The following GTPBP3 variants were observed in gnomAD, a reference collection of about 807,000 sequenced individuals.
GTPBP3 encodes GTP binding protein 3, mitochondrial.
In GTPBP3, 35 loss-of-function variants were observed where a neutral mutation model predicts 42.0. The observed-to-expected ratio is 0.83, with a 90% CI of 0.64 to 1.10. The LOEUF (loss-of-function observed/expected upper bound fraction) is 1.10. Ranked by LOEUF, GTPBP3 falls within the 50% of genes least tolerant of loss-of-function variation. The pLI is 0.00. For missense variants in GTPBP3, 691 were observed against 685.2 expected, an observed-to-expected ratio of 1.01 and a Z score of -0.09; for synonymous variants, 332 against 314.9, an observed-to-expected ratio of 1.05 and a Z score of -0.58.
In GTPBP3 at chr19:17,341,792, T is replaced by G; in HGVS notation, c.*89T>G. 1 of 1,148,764 alleles carries G rather than the reference T, an allele frequency of 8.7e-7. No individual in the cohort carries two copies. The highest frequency in any genetic ancestry group is 3.1e-4 in the Middle Eastern group (1 of 3,278). 71.2% of individuals were successfully genotyped at this position (1,148,764 alleles called of 1,614,324 possible). A position where few individuals can be genotyped will look rare whatever the true frequency, so the allele number is the denominator to read the frequency against. On this transcript the variant is annotated 3_prime_UTR_variant, in exon 9 of 9. Coordinates refer to ENST00000324894, the MANE Select transcript of GTPBP3 (RefSeq NM_032620.4). Reference sequence around the variant, plus strand: ...CAGTTTAGGCCAATTGGGATTCTCATTCGCCTGGGAAAGAACTTGATTCTC... The same window carrying G: ...CAGTTTAGGCCAATTGGGATTCTCAGTCGCCTGGGAAAGAACTTGATTCTC...
rs1355384462 is a variant in GTPBP3 at position 17,341,204 on chromosome 19, C to G, written c.1135C>G (p.Leu379Val). The change falls in exon 8 of 9, where the codon CTG becomes GTG. Residue 379 changes from leucine (L) to valine (V), a missense_variant. Coordinates refer to ENST00000324894, the MANE Select transcript of GTPBP3 (RefSeq NM_032620.4). ...LLLVLNKSDL[L>V]SPEGPGPGPD... is the part of the protein sequence containing the mutation. The stretch of plus-strand genomic sequence containing the variant: ...CCTGGTGCTGAACAAGTCGGACCTG[C>G]TGTCCCCGGAGGGCCCAGGTCCCGG... The G allele has an allele frequency of 6.2e-7, 1 of 1,610,498 alleles. No individual in the cohort carries two copies. Among genetic ancestry groups the G allele is most frequent in the Admixed American group, 1.7e-5 (1 of 59,998 alleles).
chr19:17,340,463 C>CT (rs1568367697), intron 7 of GTPBP3, among the ~76,000 whole-genome samples: 1 of 151,510 alleles, frequency 6.6e-6, no homozygotes, highest in Non-Finnish European at 1.5e-5. Context: ...GCACTCCGCT[C>CT]TGCCCCTTGC....
Position 17,338,490 on chromosome 19 carries a change from A to G in GTPBP3, c.388+39A>G, listed in dbSNP as rs372521902. Reference sequence around the variant, plus strand: ...TTGGGTGAGATGCTTGGTCCTCCCAATGGGCCTGGGTGGGGACCAGGGGGT... The same window carrying G: ...TTGGGTGAGATGCTTGGTCCTCCCAGTGGGCCTGGGTGGGGACCAGGGGGT... On this transcript the variant is annotated intron_variant, in intron 3 of 8. Coordinates refer to ENST00000324894, the MANE Select transcript of GTPBP3 (RefSeq NM_032620.4). 4.3e-5 allele frequency: 69 copies of G among 1,613,170 alleles called. No individual in the cohort carries two copies. In the African/African-American group the frequency reaches 6.3e-4, roughly 15 times the overall value.
chr19:17,337,392 T>A (rs2074377111), upstream of GTPBP3: 1 of 950,246 alleles, frequency 1.1e-6, no homozygotes, highest in Admixed American at 4.3e-5. Context: ...AACATTTCGC[T>A]ACACCTACCT....
chr19:17,337,428 C>T (rs919295817), upstream of GTPBP3: 3 of 1,202,746 alleles, frequency 2.5e-6, no homozygotes, highest in Admixed American at 4.2e-5. Flanking sequence ...CTCCCGCTCT[C>T]CCTTGCACCA....
In GTPBP3 at chr19:17,339,045, G is replaced by A. The variant is rs2145701950; in HGVS notation, c.664+19G>A. 1 of 1,614,174 alleles carries A rather than the reference G, an allele frequency of 6.2e-7. No homozygotes were observed. ...GAGCAAGGTGGGTCTACCTGGTGGT[G>A]GGGGAGGAAGACACCTCATATCAGC... On this transcript the variant is annotated intron_variant, in intron 5 of 8. Transcript: ENST00000324894.
chr19:17,337,510 G>A (rs902902409), upstream of GTPBP3: 1 of 1,276,034 alleles, frequency 7.8e-7, no homozygotes, highest in African/African-American at 1.5e-5. Flanking sequence ...GTCGAGAATA[G>A]TTGAGCACTT....
chr19:17,339,300 T>C (rs2074403915), intron 6 of GTPBP3, 34 bp downstream of exon 6: 9 of 1,582,612 alleles, frequency 5.7e-6, no homozygotes, highest in Non-Finnish European at 7.7e-6. Flanking sequence ...CGGGGCCTAG[T>C]GCCAGGGGCG....
rs1229681876 is a variant in GTPBP3, at chr19:17,339,483, C to T, written c.858C>T (p.Asp286=). The change falls in exon 7 of 9, where the codon GAC becomes GAT. Residue 286 remains aspartate (D), a synonymous_variant. Coordinates refer to ENST00000324894, the MANE Select transcript of GTPBP3 (RefSeq NM_032620.4). ...IVSPEPGTTR[D]VLETPVDLAG... ...CCCCGGAGCCAGGGACCACCCGTGA[C>T]GTGCTGGAGACCCCAGTCGACCTGG... 2 of 1,613,868 alleles carry T rather than the reference C, an allele frequency of 1.2e-6. No homozygotes were observed. Among genetic ancestry groups the T allele is most frequent in the Non-Finnish European group, 8.5e-7 (1 of 1,179,990 alleles).
rs1329024953 is a variant in GTPBP3, at chr19:17,341,564, A to G, written c.1340A>G (p.His447Arg). 7 of 1,613,878 alleles carry G rather than the reference A, an allele frequency of 4.3e-6. No homozygotes were observed. The highest frequency in any genetic ancestry group is 5.1e-6 in the Non-Finnish European group (6 of 1,179,994). The change falls in exon 9 of 9, where the codon CAC (histidine) becomes CGC (arginine). Residue 447 changes from histidine (H) to arginine (R), a missense_variant. Coordinates refer to ENST00000324894, the MANE Select transcript of GTPBP3 (RefSeq NM_032620.4). Reference protein sequence around the residue: ...HLQGCLDALGHYKQSKDLALA... With the variant: ...HLQGCLDALGRYKQSKDLALA... ...CAGGGTTGCCTGGATGCCCTCGGCC[A>G]CTACAAGCAGTCAAAAGACCTGGCC...
Position 17,341,894 on chromosome 19 carries a change from G to A in GTPBP3, c.*191G>A. On this transcript the variant is annotated 3_prime_UTR_variant, in exon 9 of 9. Coordinates refer to ENST00000324894, the MANE Select transcript of GTPBP3 (RefSeq NM_032620.4). ...CTGGAGATTCAGGCCCTGGAATGGG[G>A]CTGAATGGAGGTCCCGTTCGACCCT... 2.0e-6 allele frequency: 1 copy of A among 503,466 alleles called. No homozygotes were observed. Among genetic ancestry groups the A allele is most frequent in the South Asian group, 4.3e-5 (1 of 23,244 alleles). 31.2% of individuals were successfully genotyped at this position (503,466 alleles called of 1,614,324 possible).
chr19:17,340,696 C>T (rs1165640071), intron 7 of GTPBP3, among the ~76,000 whole-genome samples: 1 of 150,936 alleles, frequency 6.6e-6, no homozygotes, highest in Non-Finnish European at 1.5e-5. Context: ...TGCTCTGCCC[C>T]TCTTGCTCTG....
Position 17,338,556 on chromosome 19 carries a change from C to T in GTPBP3, c.406C>T (p.Arg136Ter). ...TCCTGCAGGCAGCGTGCCAGGGCTT[C>T]GACCGGCGGAGGCAGGCGAGTTCAC... ...LQALGSVPGL[R>*]PAEAGEFTRR... is the part of the protein sequence containing the mutation. The change falls in exon 4 of 9, where the codon CGA becomes TGA. Residue 136 changes from arginine (R) to a stop codon, truncating the protein, a stop_gained. Transcript: ENST00000324894. LOFTEE classifies it high-confidence loss of function. 1.2e-6 allele frequency: 2 copies of T among 1,613,756 alleles called. No homozygotes were observed. Among genetic ancestry groups the T allele is most frequent in the East Asian group, 2.2e-5 (1 of 44,864 alleles).
intron 7 of GTPBP3, among the ~76,000 whole-genome samples, 193 bp downstream of exon 7, chr19:17,339,792 G>T (rs1458937333): frequency 6.9e-6 from 1 of 144,514 alleles, no homozygotes; most frequent in Admixed American, 7.0e-5. Context: ...TGTCGCCCAG[G>T]CTGGAGTGCA....
In GTPBP3 at chr19:17,337,989, G is replaced by T; in HGVS notation, c.54-19G>T. 1 of 1,594,838 alleles carries T rather than the reference G, an allele frequency of 6.3e-7. No homozygotes were observed. Among genetic ancestry groups the T allele is most frequent in the South Asian group, 1.1e-5 (1 of 90,724 alleles). The stretch of plus-strand genomic sequence containing the variant: ...CTGAGCCTCCCAGGTGCGCTGATTC[G>T]CCTCCCCTCCGGTTCCAGATTGTGC... On this transcript the variant is annotated intron_variant, in intron 1 of 8. Transcript: ENST00000324894.
rs1041868391 is a variant in GTPBP3, at chr19:17,341,802, A to G, written c.*99A>G. ...CAATTGGGATTCTCATTCGCCTGGG[A>G]AAGAACTTGATTCTCAAATAGTGAA... is the stretch of plus-strand genomic sequence containing the variant. On this transcript the variant is annotated 3_prime_UTR_variant, in exon 9 of 9. Transcript: ENST00000324894. 2.9e-6 allele frequency: 3 copies of G among 1,044,248 alleles called. No homozygotes were observed. Among genetic ancestry groups the G allele is most frequent in the African/African-American group, 3.2e-5 (2 of 62,374 alleles). The allele number at this position is 1,044,248 out of a possible 1,614,324, so 64.7% of individuals were successfully genotyped here. A position where few individuals can be genotyped will look rare whatever the true frequency, so the allele number is the denominator to read the frequency against.
chr19:17,335,269 A>G, upstream of GTPBP3: 1 of 1,173,920 alleles, frequency 8.5e-7, no homozygotes, highest in Non-Finnish European at 1.2e-6. Flanking sequence ...TTGGCTGCCT[A>G]GAACACTCCT....
rs1326495703 is a variant in GTPBP3, at chr19:17,339,425, C to G, written c.809-9C>G. ...TCCACCCTCTCCTCTTCTTCTGACC[C>G]TCCCCCAGGTCGGAAGCCTGTGTCC... On this transcript the variant is annotated splice_polypyrimidine_tract_variant and intron_variant, in intron 6 of 8. Transcript: ENST00000324894. 5.0e-6 allele frequency: 8 copies of G among 1,612,822 alleles called. No homozygotes were observed. Among genetic ancestry groups the G allele is most frequent in the Non-Finnish European group, 5.9e-6 (7 of 1,179,448 alleles).
At chr19:17,339,698 C>T (rs2074409543) in intron 7 of GTPBP3, 99 bp downstream of exon 7, 2 of 1,189,730 alleles carry the variant, frequency 1.7e-6, no homozygotes, top group Admixed American at 5.3e-5. Flanking sequence ...ATCAGAGAAC[C>T]TGCTAAGCCC....
Sources: allele counts gnomAD v4.1 joint callset (sites outside exome capture counted in the v4.1 genomes callset), GRCh38; gene constraint gnomAD v4.1.1; transcripts MANE v1.5; gene names NCBI Gene and HGNC (gene_info 2026-07-23, HGNC 2026-07-21).